Variants in ADAMTS2 observed in about 807,000 individuals in gnomAD.
ADAMTS2 encodes the protein ADAM metallopeptidase with thrombospondin type 1 motif 2, also known as A disintegrin and metalloproteinase with thrombospondin motifs 2.
Under a neutral mutation model 123.0 loss-of-function variants are expected in ADAMTS2, and 50 were observed. The observed-to-expected ratio is 0.41, with a 90% CI of 0.32 to 0.51. ADAMTS2 has a LOEUF of 0.51. Among genes scored for constraint, ADAMTS2 ranks in the 20% least tolerant of loss-of-function variants. The pLI is 0.35. For synonymous variants in ADAMTS2, 678 were observed against 695.4 expected, an observed-to-expected ratio of 0.98 and a Z score of 0.39; for missense variants, 1,494 against 1,705.2, an observed-to-expected ratio of 0.88 and a Z score of 2.18.
rs1405896130 is a variant in ADAMTS2, at chr5:179,180,590, G to A, written c.975+482C>T. ...ATGTCCCCAGCCACCTCCTTTATCA[G>A]ACTTCACACTCTGAGCCACTATCCC... On this transcript the variant is annotated intron_variant, in intron 5 of 21. Coordinates refer to ENST00000251582, the MANE Select transcript of ADAMTS2 (RefSeq NM_014244.5). This position sits in a 1 kb window ranked among gnomAD's most constrained non-coding sequence, Gnocchi z 4.6. Among the ~76,000 whole-genome samples, 1 of 152,026 alleles carries A rather than the reference G, an allele frequency of 6.6e-6. No homozygotes were observed. The highest frequency in any genetic ancestry group is 6.6e-5 in the Admixed American group (1 of 15,258).
chr5:179,289,654 C>A (rs1756130764), intron 2 of ADAMTS2, among the ~76,000 whole-genome samples: 1 of 152,160 alleles, frequency 6.6e-6, no homozygotes, highest in African/African-American at 2.4e-5. Context: ...AAAAACCTCA[C>A]AGTCACAGCC....
In ADAMTS2 at chr5:179,345,221, G is replaced by A; in HGVS notation, c.108C>T (p.Asn36=). The A allele has an allele frequency of 8.9e-7, 1 of 1,123,658 alleles. No homozygotes were observed. Among genetic ancestry groups the A allele is most frequent in the East Asian group, 5.1e-5 (1 of 19,746 alleles). 69.6% of individuals were successfully genotyped at this position (1,123,658 alleles called of 1,614,324 possible). A position where few individuals can be genotyped will look rare whatever the true frequency, so the allele number is the denominator to read the frequency against. Residue 36 remains asparagine, a synonymous_variant, in exon 1 of 22, where the codon AAC becomes AAT. Coordinates refer to ENST00000251582, the MANE Select transcript of ADAMTS2 (RefSeq NM_014244.5). The surrounding 1 kb of genome is among the most constrained non-coding windows in gnomAD (Gnocchi z 7.5). ...GGTCGGCGGCGGCGGCGAGCCTGGC[G>A]TTCGCGGGCGGCGGCGGCGGCGGCA... The part of the protein sequence containing the change: ...PLLPPPPPPA[N]ARLAAAADPP...
At chr5:179,301,043 G>A (rs1756501616) in intron 2 of ADAMTS2, among the ~76,000 whole-genome samples, 2 of 151,972 alleles carry the variant, frequency 1.3e-5, no homozygotes, top group Admixed American at 1.3e-4. Context: ...CCTCAGTGAA[G>A]CCTGGACTCC....
intron 3 of ADAMTS2, among the ~76,000 whole-genome samples, chr5:179,267,412 C>G (rs1766403838): frequency 6.6e-6 from 1 of 152,244 alleles, no homozygotes. Flanking sequence ...TGCAGCCTGA[C>G]AGCAGCAGGC....
intron 5 of ADAMTS2, among the ~76,000 whole-genome samples, chr5:179,173,461 T>C (rs1490222951): frequency 6.6e-6 from 1 of 152,184 alleles, no homozygotes; most frequent in Non-Finnish European, 1.5e-5. Context: ...ACTGTAACCA[T>C]TTCCCAATGC....
intron 2 of ADAMTS2, among the ~76,000 whole-genome samples, chr5:179,320,931 A>G (rs1383985103): frequency 1.3e-5 from 2 of 152,192 alleles, no homozygotes; most frequent in African/African-American, 4.8e-5. Context: ...TGAGAGTGAA[A>G]TCGACACAGA....
chr5:179,283,808 T>C (rs968674465), intron 2 of ADAMTS2, among the ~76,000 whole-genome samples: 1 of 151,390 alleles, frequency 6.6e-6, no homozygotes, highest in African/African-American at 2.4e-5. Flanking sequence ...GGAGAATCAC[T>C]TGAACCCAGG....
chr5:179,165,434 A>G (rs1763679236), intron 5 of ADAMTS2, among the ~76,000 whole-genome samples: 1 of 152,030 alleles, frequency 6.6e-6, no homozygotes, highest in Non-Finnish European at 1.5e-5. Context: ...TCCTGAATGC[A>G]CCTGACTTCC....
chr5:179,189,001 G>T lies in ADAMTS2; in HGVS notation c.892-7846C>A, dbSNP rs1480602756. 6.6e-6 allele frequency among the ~76,000 whole-genome samples: 1 copy of T among 152,128 alleles called. No individual in the cohort carries two copies. The highest frequency in any genetic ancestry group is 1.5e-5 in the Non-Finnish European group (1 of 68,028). On this transcript the variant is annotated intron_variant, in intron 4 of 21. Coordinates refer to ENST00000251582, the MANE Select transcript of ADAMTS2 (RefSeq NM_014244.5). The surrounding 1 kb of genome is among the most constrained non-coding windows in gnomAD (Gnocchi z 4.2). The stretch of plus-strand genomic sequence containing the variant: ...TTGGGGGGTTAGCAGAGTGTGGGGG[G>T]GATATTCCCACTCTGAGGTCAGATT...
chr5:179,207,471 A>ACCCGGCC lies in ADAMTS2; in HGVS notation c.891+41_891+42insGGCCGGG. 32 of 1,026,472 alleles carry ACCCGGCC rather than the reference A, an allele frequency of 3.1e-5. 3 individuals carry two copies. The highest frequency in any genetic ancestry group is 4.7e-5 in the Non-Finnish European group (31 of 657,456). 63.6% of individuals were successfully genotyped at this position (1,026,472 alleles called of 1,614,324 possible). ...CTCTGGCCTGCCCAGCCCCTGGTTG[A>ACCCGGCC]CCCTCCCCGCCCCACCCTGCCCCCT... On this transcript the variant is annotated intron_variant, in intron 4 of 21. Transcript: ENST00000251582.
intron 3 of ADAMTS2, among the ~76,000 whole-genome samples, chr5:179,219,219 G>A (rs1334514368): frequency 2.0e-5 from 3 of 152,180 alleles, no homozygotes; most frequent in Non-Finnish European, 2.9e-5. Context: ...TCCCCCAGGA[G>A]CAGCAGAGGC....
In ADAMTS2 at chr5:179,314,420, C is replaced by T. The variant is rs895298363; in HGVS notation, c.534+29347G>A. 2.7e-5 allele frequency among the ~76,000 whole-genome samples: 4 copies of T among 146,214 alleles called. No homozygotes were observed. The highest frequency in any genetic ancestry group is 4.4e-5 in the Non-Finnish European group (3 of 67,910). On this transcript the variant is annotated intron_variant, in intron 2 of 21. Transcript: ENST00000251582. The surrounding 1 kb of genome is among the most constrained non-coding windows in gnomAD (Gnocchi z 4.5). The stretch of plus-strand genomic sequence containing the variant: ...GGCAAGGCCAGGCTCCTCCCCACCC[C>T]GTGGCGTGGCGTGGCGTGGCCGGAA...
At position 179,189,509 on chromosome 5, in the gene ADAMTS2, G is replaced by GT. The variant is rs1561795932; in HGVS notation, c.892-8355_892-8354insA. 1.3e-4 allele frequency among the ~76,000 whole-genome samples: 7 copies of GT among 52,530 alleles called. No homozygotes were observed. The highest frequency in any genetic ancestry group is 1.9e-4 in the Non-Finnish European group (6 of 31,770). The allele number at this position is 52,530 out of a possible 152,430, so 34.5% of individuals were successfully genotyped here. ...GCTACAGGCGCCCGCCAGTGCGCCT[G>GT]GTTTTTTTTTTTTTTTTTTTTTTTT... On this transcript the variant is annotated intron_variant, in intron 4 of 21. Transcript: ENST00000251582. The surrounding 1 kb of genome is among the most constrained non-coding windows in gnomAD (Gnocchi z 4.2).
chr5:179,289,755 C>T (rs1355672616), intron 2 of ADAMTS2, among the ~76,000 whole-genome samples: 1 of 152,206 alleles, frequency 6.6e-6, no homozygotes, highest in Non-Finnish European at 1.5e-5. Flanking sequence ...GACAACTGGA[C>T]ATCCCAATGT....
rs558896427 is a variant in ADAMTS2 at position 179,239,144 on chromosome 5, T to C, written c.689-31429A>G. Among the ~76,000 whole-genome samples, 18 of 152,272 alleles carry C rather than the reference T, an allele frequency of 1.2e-4. No homozygotes were observed. The South Asian group carries it at 3.5e-3, about 30-fold the overall frequency. On this transcript the variant is annotated intron_variant, in intron 3 of 21. Transcript: ENST00000251582. ...AGAGAAAAGAATCCCTGCTGCTGTG[T>C]TGAGGACACATGGGGGTGGGGAGGC... is the stretch of plus-strand genomic sequence containing the variant.
At chr5:179,342,592 G>A (rs771050713) in intron 2 of ADAMTS2, among the ~76,000 whole-genome samples, 26 of 152,256 alleles carry the variant, frequency 1.7e-4, no homozygotes, top group African/African-American at 3.9e-4. Context: ...TCAGCTGCCC[G>A]AGTACGGGCG....
chr5:179,313,983 G>A (rs1046822719), intron 2 of ADAMTS2, among the ~76,000 whole-genome samples: 7 of 151,522 alleles, frequency 4.6e-5, no homozygotes, highest in Non-Finnish European at 8.8e-5. Flanking sequence ...CACTCACACC[G>A]AGACAGAGGA....
At chr5:179,201,072 G>T (rs1238470240) in intron 4 of ADAMTS2, among the ~76,000 whole-genome samples, 1 of 152,234 alleles carries the variant, frequency 6.6e-6, no homozygotes, top group African/African-American at 2.4e-5. Flanking sequence ...TATCTCCGTT[G>T]TAATTAAATT....
rs766707555 is a variant in ADAMTS2 at position 179,343,976 on chromosome 5, G to A, written c.325C>T (p.Leu109Phe). ...GGNEEEPGSH[L>F]FYNVTVFGRD... ...CCAAAGACCGTGACATTGTAGAAGA[G>A]GTGACTGCCAGGCTCCTCCTCGTTG... is the stretch of plus-strand genomic sequence containing the variant. The change falls in exon 2 of 22, where the codon CTC becomes TTC. Residue 109 changes from leucine (L) to phenylalanine (F), a missense_variant. Physicochemically the swap from Leu to Phe is conservative, Grantham distance 22. Transcript: ENST00000251582. 1.2e-6 allele frequency: 2 copies of A among 1,612,704 alleles called. No individual in the cohort carries two copies. The highest frequency in any genetic ancestry group is 1.1e-5 in the South Asian group (1 of 91,014).
Sources: allele counts gnomAD v4.1 joint callset (sites outside exome capture counted in the v4.1 genomes callset), GRCh38; gene constraint gnomAD v4.1.1; non-coding constraint Gnocchi (gnomAD v3.1); transcripts MANE v1.5; gene names NCBI Gene and HGNC (gene_info 2026-07-23, HGNC 2026-07-21).